Variants in ATL3 observed in about 807,000 individuals in gnomAD.
ATL3 encodes the protein atlastin-3.
A neutral mutation model predicts 69.5 loss-of-function variants in ATL3; 49 were observed. The ratio of observed to expected loss-of-function variants is 0.71; its 90% CI spans 0.56 to 0.89. The LOEUF is 0.89. Among genes scored for constraint, ATL3 ranks in the 40% least tolerant of loss-of-function variants. The pLI is 0.00. For missense variants in ATL3, 606 were observed against 645.7 expected (o/e 0.94, Z 0.67); for synonymous variants, 214 against 224.1 (o/e 0.95, Z 0.40).
Position 63,624,669 on chromosome 11 carries a change from C to T in ATL3, c.*4650G>A, listed in dbSNP as rs1939046950. On this transcript the variant is annotated 3_prime_UTR_variant, in exon 13 of 13. Transcript: ENST00000398868. Reference sequence around the variant, plus strand: ...TATCAAAAATTGCTTTTAAAAAATCCTAATTACATTAGAAAATAGGATACC... The same window carrying T: ...TATCAAAAATTGCTTTTAAAAAATCTTAATTACATTAGAAAATAGGATACC... The T allele has an allele frequency of 6.6e-6, 1 of 152,126 alleles. No homozygotes were observed. Among genetic ancestry groups the T allele is most frequent in the Non-Finnish European group, 1.5e-5 (1 of 68,016 alleles). The allele number at this position is 152,126 out of a possible 1,614,324, so 9.4% of individuals were successfully genotyped here. A position where few individuals can be genotyped will look rare whatever the true frequency, so the allele number is the denominator to read the frequency against.
intron 6 of ATL3, among the ~76,000 whole-genome samples, chr11:63,644,994 T>A (rs1939821537): frequency 6.6e-6 from 1 of 151,918 alleles, no homozygotes; most frequent in African/African-American, 2.4e-5. Flanking sequence ...GGCAGGAGAA[T>A]CACTTGAACC....
intron 1 of ATL3, among the ~76,000 whole-genome samples, chr11:63,660,483 A>T (rs1176960995): frequency 6.6e-6 from 1 of 152,180 alleles, no homozygotes; most frequent in Non-Finnish European, 1.5e-5. Context: ...AGCACAAAAT[A>T]CTAAAGCCAC....
chr11:63,664,493 T>C (rs1015263320), intron 1 of ATL3, among the ~76,000 whole-genome samples: 1 of 151,420 alleles, frequency 6.6e-6, no homozygotes, highest in Non-Finnish European at 1.5e-5. Flanking sequence ...TGAGCCAACA[T>C]TGCGCCACTG....
chr11:63,644,230 A>C lies in ATL3; in HGVS notation c.650T>G (p.Phe217Cys). 1 of 1,611,324 alleles carries C rather than the reference A, an allele frequency of 6.2e-7. No individual in the cohort carries two copies. The highest frequency in any genetic ancestry group is 1.3e-5 in the African/African-American group (1 of 74,914). The stretch of plus-strand genomic sequence containing the variant: ...GAGTCCATAGCTATATTCATAAGGG[A>C]AACTCCAATCTCTAACCAAAAACAT... ...TLMFLVRDWS[F>C]PYEYSYGLQG... Residue 217 changes from phenylalanine (F) to cysteine (C), a missense_variant, in exon 7 of 13, where the codon TTC becomes TGC. Phe to Cys is a radical substitution (Grantham distance 205). Transcript: ENST00000398868.
At chr11:63,631,999 CG>C (rs1473305006) in intron 11 of ATL3, among the ~76,000 whole-genome samples, 4 of 152,086 alleles carry the variant, frequency 2.6e-5, no homozygotes, top group Non-Finnish European at 4.4e-5. Context: ...CAAAAGCAAA[CG>C]GTCGACTTCT....
chr11:63,646,585 G>A (rs777619897), intron 5 of ATL3, 22 bp from the exon 6 acceptor site: 2 of 1,561,226 alleles, frequency 1.3e-6, no homozygotes, highest in South Asian at 2.3e-5. Context: ...AAGCATTATG[G>A]TTTGTAAAGC....
intron 8 of ATL3, 40 bp from the exon 9 acceptor site, chr11:63,636,374 C>A: frequency 6.2e-7 from 1 of 1,612,672 alleles, no homozygotes; most frequent in Non-Finnish European, 8.5e-7. Flanking sequence ...ATAAGCCAAA[C>A]AGCCTTATTC....
chr11:63,630,894 T>TA, intron 12 of ATL3, 146 bp downstream of exon 12: 1 of 656,220 alleles, frequency 1.5e-6, no homozygotes, highest in Non-Finnish European at 2.5e-6. Flanking sequence ...TAATAAAACA[T>TA]ACAGTCTATC....
At chr11:63,664,304 C>T (rs137879498) in intron 1 of ATL3, among the ~76,000 whole-genome samples, 68 of 152,138 alleles carry the variant, frequency 4.5e-4, no homozygotes, top group African/African-American at 1.6e-3. Context: ...CTTGGGAGGC[C>T]GAGGCAGGCA....
intron 1 of ATL3, among the ~76,000 whole-genome samples, chr11:63,661,100 G>A (rs1182126331): frequency 6.6e-6 from 1 of 151,690 alleles, no homozygotes; most frequent in African/African-American, 2.4e-5. Context: ...TCGCACGCCT[G>A]TGGTCCCAGC....
At chr11:63,639,096 CT>C (rs925223374) in intron 8 of ATL3, among the ~76,000 whole-genome samples, 1 of 151,962 alleles carries the variant, frequency 6.6e-6, no homozygotes, top group South Asian at 2.1e-4. Flanking sequence ...AATGCCTACC[CT>C]TTTTTTTAAA....
chr11:63,631,245 G>A lies in ATL3; in HGVS notation c.1334C>T (p.Ala445Val). The change falls in exon 12 of 13, where the codon GCA (alanine) becomes GTA (valine). Residue 445 changes from alanine to valine, a missense_variant. Ala to Val is a moderately conservative substitution (Grantham distance 64, BLOSUM62 0). Transcript: ENST00000398868. ...AGCTACAATGCCCGTGAACAGCACTGCAGGGGTTCGGAAGGTGCTGAAGAC... is the reference window on the plus strand; with the variant it reads ...AGCTACAATGCCCGTGAACAGCACTACAGGGGTTCGGAAGGTGCTGAAGAC... ...KNVFSTFRTP[A>V]VLFTGIVALY... is the part of the protein sequence containing the mutation. 1 of 1,614,214 alleles carries A rather than the reference G, an allele frequency of 6.2e-7. No individual in the cohort carries two copies. The highest frequency in any genetic ancestry group is 8.5e-7 in the Non-Finnish European group (1 of 1,180,034).
At chr11:63,652,016 CT>C in intron 4 of ATL3, 30 bp from the exon 5 acceptor site, 2 of 1,586,960 alleles carry the variant, frequency 1.3e-6, no homozygotes, top group Non-Finnish European at 1.7e-6. Flanking sequence ...ATTGATACTA[CT>C]CTGGCTTACT....
Position 63,635,508 on chromosome 11 carries a change from G to A in ATL3, c.1035+26C>T, listed in dbSNP as rs190159572. ...TCAACTCAAGTAATTTAAGGGTAGC[G>A]TTTAGGATGTCAAATCATTGTTTAC... On this transcript the variant is annotated intron_variant, in intron 10 of 12. Transcript: ENST00000398868. 4.3e-5 allele frequency: 68 copies of A among 1,597,328 alleles called. No individual in the cohort carries two copies. The Admixed American group carries it at 5.9e-4, about 14-fold the overall frequency.
chr11:63,634,918 T>C (rs916669373), intron 10 of ATL3, among the ~76,000 whole-genome samples: 6 of 151,702 alleles, frequency 4.0e-5, no homozygotes, highest in Non-Finnish European at 8.8e-5. Flanking sequence ...TCCCAGCACT[T>C]TGGGAGGCCA....
chr11:63,659,402 A>T, intron 1 of ATL3, 150 bp from the exon 2 acceptor site: 1 of 652,806 alleles, frequency 1.5e-6, no homozygotes. Context: ...CAAAGCAGAA[A>T]GATTACTTGA....
chr11:63,633,646 A>G (rs1056643617), intron 10 of ATL3, among the ~76,000 whole-genome samples: 1 of 151,192 alleles, frequency 6.6e-6, no homozygotes, highest in Non-Finnish European at 1.5e-5. Flanking sequence ...AGCCTCCCAA[A>G]GTGCTGGGAT....
At chr11:63,632,084 C>A in intron 11 of ATL3, 1 of 257,602 alleles carries the variant, frequency 3.9e-6, no homozygotes, top group South Asian at 6.5e-5. Flanking sequence ...CCCGAGGATT[C>A]CTGAAATCAT....
intron 5 of ATL3, among the ~76,000 whole-genome samples, chr11:63,651,123 T>C (rs575847726): frequency 6.6e-6 from 1 of 152,122 alleles, no homozygotes; most frequent in East Asian, 1.9e-4. Flanking sequence ...CAAAAGAGCA[T>C]TTTGTGGGAA....
Sources: gnomAD v4.1 joint callset for allele counts (sites outside exome capture counted in the v4.1 genomes callset) on GRCh38, gnomAD v4.1.1 for gene constraint, MANE v1.5 for transcripts, NCBI Gene and HGNC (gene_info 2026-07-23, HGNC 2026-07-21) for gene names.